The following MARCHF11 variants were observed in gnomAD, a reference collection of about 807,000 sequenced individuals.
The protein encoded by MARCHF11 is membrane associated ring-CH-type finger 11.
A neutral mutation model predicts 37.3 loss-of-function variants in MARCHF11; 29 were observed. The observed-to-expected ratio is 0.78, with a 90% CI of 0.58 to 1.06. The LOEUF is 1.06. Among genes scored for constraint, MARCHF11 ranks in the 50% least tolerant of loss-of-function variants. MARCHF11 has a pLI of 0.00. For missense variants in MARCHF11, 482 were observed against 533.4 expected (o/e 0.90, Z 0.95); for synonymous variants, 233 against 228.0 (o/e 1.02, Z -0.20).
intron 2 of MARCHF11, among the ~76,000 whole-genome samples, chr5:16,155,494 T>G (rs1343642867): frequency 6.6e-6 from 1 of 151,856 alleles, no homozygotes; most frequent in Non-Finnish European, 1.5e-5. Context: ...GTTAAAACAG[T>G]TGAGTAAATT....
intron 2 of MARCHF11, among the ~76,000 whole-genome samples, chr5:16,127,724 G>A (rs1737437315): frequency 6.6e-6 from 1 of 152,206 alleles, no homozygotes. Context: ...CACATGCCTA[G>A]TATGTTGTAG....
intron 2 of MARCHF11, among the ~76,000 whole-genome samples, chr5:16,105,066 T>C (rs1737016279): frequency 6.6e-6 from 1 of 152,252 alleles, no homozygotes; most frequent in Non-Finnish European, 1.5e-5. Context: ...GCCCTTCACT[T>C]CTGGAGGCTT....
intron 2 of MARCHF11, among the ~76,000 whole-genome samples, chr5:16,106,459 C>T (rs1340462271): frequency 6.6e-6 from 1 of 152,242 alleles, no homozygotes; most frequent in Non-Finnish European, 1.5e-5. Context: ...TGTCTGAGTT[C>T]TGTGACTTGG....
chr5:16,147,870 T>A (rs1579411996), intron 2 of MARCHF11, among the ~76,000 whole-genome samples: 1 of 152,122 alleles, frequency 6.6e-6, no homozygotes, highest in African/African-American at 2.4e-5. Flanking sequence ...ACTGTACTCC[T>A]CCACACTGGC....
intron 2 of MARCHF11, among the ~76,000 whole-genome samples, chr5:16,123,964 G>T (rs1737357630): frequency 6.6e-6 from 1 of 151,958 alleles, no homozygotes; most frequent in African/African-American, 2.4e-5. Context: ...CTGTGTGGGG[G>T]AAGTCCAGCA....
intron 2 of MARCHF11, among the ~76,000 whole-genome samples, chr5:16,120,339 G>C (rs9312904): frequency 0.27 from 41,503 of 151,984 alleles, 7,136 homozygotes; most frequent in African/African-American, 0.49. Context: ...CTTCTCACCC[G>C]CTTCATGGCT....
At chr5:16,071,970 G>GTTT (rs1422093515) in intron 3 of MARCHF11, among the ~76,000 whole-genome samples, 11 of 151,664 alleles carry the variant, frequency 7.3e-5, no homozygotes, top group African/African-American at 2.4e-4. Context: ...TTTTTTGTTT[G>GTTT]TTTTTTTGAG....
At chr5:16,067,922 G>C (rs1736377038) in intron 3 of MARCHF11, 129 bp from the exon 4 acceptor site, 1 of 818,432 alleles carries the variant, frequency 1.2e-6, no homozygotes, top group Non-Finnish European at 1.9e-6. Context: ...ACAGTATTCT[G>C]TTTACTCAAA....
chr5:16,077,587 G>GT (rs1736542805), intron 3 of MARCHF11, among the ~76,000 whole-genome samples: 2 of 152,206 alleles, frequency 1.3e-5, no homozygotes, highest in South Asian at 4.1e-4. Context: ...TACCATCTAA[G>GT]TATAATTAAA....
chr5:16,120,820 G>C (rs1737297951), intron 2 of MARCHF11, among the ~76,000 whole-genome samples: 1 of 152,124 alleles, frequency 6.6e-6, no homozygotes. Context: ...CCAGAGATAA[G>C]CCGCCCCACT....
intron 2 of MARCHF11, among the ~76,000 whole-genome samples, chr5:16,125,556 G>T (rs1368441503): frequency 6.6e-6 from 1 of 151,666 alleles, no homozygotes; most frequent in Non-Finnish European, 1.5e-5. Context: ...TTTAAAGGCA[G>T]CCAAGACCTT....
intron 3 of MARCHF11, among the ~76,000 whole-genome samples, chr5:16,081,235 A>C (rs1364482840): frequency 6.6e-6 from 1 of 152,176 alleles, no homozygotes; most frequent in Non-Finnish European, 1.5e-5. Flanking sequence ...CTCAGGTGGA[A>C]AGTAGGGAAT....
At chr5:16,155,715 G>A (rs1207439892) in intron 2 of MARCHF11, among the ~76,000 whole-genome samples, 2 of 151,868 alleles carry the variant, frequency 1.3e-5, no homozygotes, top group African/African-American at 2.4e-5. Flanking sequence ...GTTCTTGCCC[G>A]ATTTTTGGGA....
At chr5:16,158,831 T>A (rs1738026325) in intron 2 of MARCHF11, among the ~76,000 whole-genome samples, 1 of 151,914 alleles carries the variant, frequency 6.6e-6, no homozygotes, top group Non-Finnish European at 1.5e-5. Flanking sequence ...CCAGCATGCA[T>A]TCGTTATTTT....
chr5:16,104,664 G>A (rs1163229431), intron 2 of MARCHF11, among the ~76,000 whole-genome samples: 1 of 150,118 alleles, frequency 6.7e-6, no homozygotes, highest in Non-Finnish European at 1.5e-5. Flanking sequence ...GGAACCCCAA[G>A]GAAGGCCATT....
At chr5:16,113,534 C>G (rs975356257) in intron 2 of MARCHF11, among the ~76,000 whole-genome samples, 3 of 152,068 alleles carry the variant, frequency 2.0e-5, no homozygotes, top group African/African-American at 7.2e-5. Context: ...ATGGCAAAAA[C>G]CACAATGACT....
intron 1 of MARCHF11, among the ~76,000 whole-genome samples, chr5:16,178,725 C>CATATT (rs1738406274): frequency 6.6e-6 from 1 of 152,210 alleles, no homozygotes; most frequent in Non-Finnish European, 1.5e-5. Flanking sequence ...AAACCAAAAT[C>CATATT]CATCGAATAA....
intron 2 of MARCHF11, among the ~76,000 whole-genome samples, chr5:16,164,532 G>A (rs1396094473): frequency 6.6e-6 from 1 of 151,820 alleles, no homozygotes; most frequent in Non-Finnish European, 1.5e-5. Context: ...TAAGTTGTCT[G>A]GATTTTAAAA....
chr5:16,171,747 A>T (rs1178067951), intron 2 of MARCHF11, among the ~76,000 whole-genome samples: 1 of 152,152 alleles, frequency 6.6e-6, no homozygotes, highest in Non-Finnish European at 1.5e-5. Context: ...ATAGTAATAC[A>T]AATGTTATCA....
Sources: gnomAD v4.1 joint callset for allele counts (sites outside exome capture counted in the v4.1 genomes callset) on GRCh38, gnomAD v4.1.1 for gene constraint, MANE v1.5 for transcripts, NCBI Gene and HGNC (gene_info 2026-07-23, HGNC 2026-07-21) for gene names.